B4GALT6: variants seen among roughly 807,000 people sequenced by gnomAD.
The protein encoded by B4GALT6 is beta-1,4-galactosyltransferase 6.
Under a neutral mutation model 46.3 loss-of-function variants are expected in B4GALT6, and 14 were observed. The observed-to-expected ratio is 0.30, with a 90% CI of 0.20 to 0.47. The LOEUF is 0.47. Ranked by LOEUF, B4GALT6 falls within the 20% of genes least tolerant of loss-of-function variation. The probability of loss-of-function intolerance (pLI) is 0.99; values close to 1 mark genes in which losing one functional copy is unlikely to be tolerated. For missense variants in B4GALT6, 386 were observed against 480.1 expected (o/e 0.80, Z 1.83); for synonymous variants, 168 against 162.0 (o/e 1.04, Z -0.28).
At chr18:31,629,277 C>G (rs560841675) in intron 6 of B4GALT6, among the ~76,000 whole-genome samples, 1 of 151,862 alleles carries the variant, frequency 6.6e-6, no homozygotes, top group African/African-American at 2.4e-5. Context: ...AACTGCATTC[C>G]GGTGGCTGGG....
the B4GALT6 span, chr18:31,724,605 CG>C: frequency 5.6e-6 from 6 of 1,063,368 alleles, no homozygotes; most frequent in South Asian, 1.7e-4. Context: ...AGAGCTGCCC[CG>C]GGGCCAGAGC....
intron 1 of B4GALT6, among the ~76,000 whole-genome samples, chr18:31,668,801 A>T (rs1381358933): frequency 6.6e-6 from 1 of 150,684 alleles, no homozygotes; most frequent in East Asian, 2.0e-4. Context: ...GGAGTTTGAG[A>T]CCAGCCTGGC....
At chr18:31,632,509 C>T (rs188376009) in intron 5 of B4GALT6, among the ~76,000 whole-genome samples, 11 of 152,210 alleles carry the variant, frequency 7.2e-5, no homozygotes, top group Admixed American at 1.3e-4. Context: ...CCATTTATTC[C>T]GGTATTTATC....
chr18:31,696,810 A>G, the B4GALT6 span, among the ~76,000 whole-genome samples: 1 of 152,134 alleles, frequency 6.6e-6, no homozygotes, highest in Non-Finnish European at 1.5e-5. Flanking sequence ...TCTAATAGTA[A>G]AGGTCTGTGG....
Position 31,649,489 on chromosome 18 carries a change from G to A in B4GALT6, c.347-4010C>T, listed in dbSNP as rs1268545525. Among the ~76,000 whole-genome samples the A allele has an allele frequency of 3.3e-5, 5 of 149,528 alleles. No individual in the cohort carries two copies. The East Asian group carries it at 9.9e-4, about 30-fold the overall frequency. On this transcript the variant is annotated intron_variant, in intron 3 of 8. Coordinates refer to ENST00000306851, the MANE Select transcript of B4GALT6 (RefSeq NM_004775.5). ...TTCTTTAAGACATTTATGCAAAACTGTGCATACAACAAAGTCCTAATATCC... is the reference window on the plus strand; with the variant it reads ...TTCTTTAAGACATTTATGCAAAACTATGCATACAACAAAGTCCTAATATCC...
intron 2 of B4GALT6, among the ~76,000 whole-genome samples, chr18:31,659,645 G>T (rs2074187430): frequency 6.6e-6 from 1 of 152,170 alleles, no homozygotes; most frequent in African/African-American, 2.4e-5. Flanking sequence ...CAACATAGTA[G>T]AGATCAATGA....
At chr18:31,693,389 A>G in the B4GALT6 span, among the ~76,000 whole-genome samples, 1 of 152,342 alleles carries the variant, frequency 6.6e-6, no homozygotes. Context: ...ATAGATGAAT[A>G]TGTAAATAGC....
the B4GALT6 span, among the ~76,000 whole-genome samples, chr18:31,719,940 G>T: frequency 6.6e-6 from 1 of 152,198 alleles, no homozygotes; most frequent in Non-Finnish European, 1.5e-5. Flanking sequence ...AATGTGGGGA[G>T]GTTCAGACTC....
chr18:31,677,844 G>C (rs2074431578), intron 1 of B4GALT6, among the ~76,000 whole-genome samples: 1 of 152,178 alleles, frequency 6.6e-6, no homozygotes, highest in South Asian at 2.1e-4. Context: ...AGCCAGCTTG[G>C]TCCAAGGCGG....
rs571709348 is a variant in B4GALT6 at position 31,625,353 on chromosome 18, G to A, written c.*261C>T. ...ATTTTAGTATAAAAATTTTCTCTTC[G>A]GAGGGAGCTCTCTTAACTTCCGATC... On this transcript the variant is annotated 3_prime_UTR_variant, in exon 9 of 9. Transcript: ENST00000306851. 24 of 367,030 alleles carry A rather than the reference G, an allele frequency of 6.5e-5. No homozygotes were observed. The highest frequency in any genetic ancestry group is 3.2e-4 in the African/African-American group (15 of 47,608). 22.7% of individuals were successfully genotyped at this position (367,030 alleles called of 1,614,324 possible).
At chr18:31,628,486 T>C (rs2073731952) in intron 6 of B4GALT6, among the ~76,000 whole-genome samples, 1 of 152,132 alleles carries the variant, frequency 6.6e-6, no homozygotes, top group African/African-American at 2.4e-5. Context: ...AAATAATCAA[T>C]TGTGCTATAT....
At chr18:31,656,123 T>A (rs1598902440) in intron 3 of B4GALT6, among the ~76,000 whole-genome samples, 1 of 152,186 alleles carries the variant, frequency 6.6e-6, no homozygotes, top group Non-Finnish European at 1.5e-5. Flanking sequence ...CCCCCAAGAC[T>A]GAAAGCCATG....
At chr18:31,658,766 G>A (rs1048570308) in intron 2 of B4GALT6, among the ~76,000 whole-genome samples, 1 of 152,198 alleles carries the variant, frequency 6.6e-6, no homozygotes, top group Non-Finnish European at 1.5e-5. Flanking sequence ...GGCAGGACAC[G>A]ATGTAGCTTG....
intron 6 of B4GALT6, among the ~76,000 whole-genome samples, chr18:31,629,842 T>C (rs796421334): frequency 3.3e-4 from 46 of 141,352 alleles, no homozygotes; most frequent in African/African-American, 1.2e-3. Flanking sequence ...AAAGCGAGAC[T>C]CTGTCTCAAA....
the B4GALT6 span, among the ~76,000 whole-genome samples, chr18:31,717,468 A>T: frequency 6.6e-6 from 1 of 152,308 alleles, no homozygotes; most frequent in East Asian, 1.9e-4. Context: ...ATCAAATTGC[A>T]TTTTCTGCAT....
At chr18:31,684,258 C>T (rs1233476993) in intron 1 of B4GALT6, 54 bp downstream of exon 1, 60 of 1,608,654 alleles carry the variant, frequency 3.7e-5, no homozygotes, top group Non-Finnish European at 5.1e-5. Context: ...CGGATAACAG[C>T]CTGCGCTGGC....
chr18:31,684,005 C>T (rs1423907710), intron 1 of B4GALT6, among the ~76,000 whole-genome samples: 2 of 152,188 alleles, frequency 1.3e-5, no homozygotes, highest in East Asian at 1.9e-4. Context: ...ATGGATAAAG[C>T]TGTCATGAAC....
chr18:31,712,377 A>G, the B4GALT6 span, among the ~76,000 whole-genome samples: 1 of 136,638 alleles, frequency 7.3e-6, no homozygotes, highest in Admixed American at 8.5e-5. Context: ...ATCTTGGCTC[A>G]TTGCAACCTA....
At chr18:31,666,002 G>A (rs1323514995) in intron 2 of B4GALT6, among the ~76,000 whole-genome samples, 1 of 152,158 alleles carries the variant, frequency 6.6e-6, no homozygotes, top group African/African-American at 2.4e-5. Context: ...AAAAGTAGAA[G>A]CTGCTTTCTA....
Sources: allele counts gnomAD v4.1 joint callset (sites outside exome capture counted in the v4.1 genomes callset), GRCh38; gene constraint gnomAD v4.1.1; transcripts MANE v1.5; gene names NCBI Gene and HGNC (gene_info 2026-07-23, HGNC 2026-07-21).